The following GRIP1 variants were observed in gnomAD, a reference collection of about 807,000 sequenced individuals.
The protein encoded by GRIP1 is glutamate receptor interacting protein 1.
GRIP1 carries 45 observed loss-of-function variants against 129.9 expected under a neutral mutation model. The observed-to-expected ratio is 0.35, with a 90% CI of 0.27 to 0.44. The LOEUF is 0.44. Among genes scored for constraint, GRIP1 ranks in the 20% least tolerant of loss-of-function variants. The probability of loss-of-function intolerance (pLI) is 1.00; values close to 1 mark genes in which losing one functional copy is unlikely to be tolerated. For synonymous variants in GRIP1, 530 were observed against 520.8 expected, an observed-to-expected ratio of 1.02 and a Z score of -0.24; for missense variants, 1,196 against 1,396.8, an observed-to-expected ratio of 0.86 and a Z score of 2.29.
chr12:67,032,888 A>G (rs12322895), intron 1 of GRIP1, among the ~76,000 whole-genome samples: 4,219 of 152,246 alleles, frequency 0.028, 201 homozygotes, highest in African/African-American at 0.096. Context: ...TATTTTATTT[A>G]ACATTTCCAA....
intron 4 of GRIP1, among the ~76,000 whole-genome samples, chr12:66,535,491 C>A (rs962631681): frequency 1.3e-5 from 2 of 152,174 alleles, no homozygotes; most frequent in African/African-American, 4.8e-5. Flanking sequence ...TTAATCATTA[C>A]AAAAATCCTG....
intron 7 of GRIP1, among the ~76,000 whole-genome samples, chr12:66,506,067 A>G (rs925182307): frequency 1.3e-5 from 2 of 152,220 alleles, no homozygotes; most frequent in African/African-American, 4.8e-5. Context: ...GAGGATGTGA[A>G]GGATGTGAAA....
chr12:66,635,977 C>T (rs2031323202), intron 1 of GRIP1, among the ~76,000 whole-genome samples: 1 of 152,146 alleles, frequency 6.6e-6, no homozygotes. Context: ...GAGCATTCTT[C>T]ACAACAGCCC....
At chr12:66,864,867 G>A (rs1248911270) in intron 1 of GRIP1, among the ~76,000 whole-genome samples, 2 of 152,068 alleles carry the variant, frequency 1.3e-5, no homozygotes, top group East Asian at 3.9e-4. Context: ...GAAATACATA[G>A]TCCACTGGCT....
At chr12:66,627,716 T>C (rs2030251989) in intron 1 of GRIP1, among the ~76,000 whole-genome samples, 1 of 152,164 alleles carries the variant, frequency 6.6e-6, no homozygotes, top group Admixed American at 6.5e-5. Context: ...CTGGATCCCC[T>C]GGGTGTAGTG....
intron 1 of GRIP1, among the ~76,000 whole-genome samples, chr12:67,049,296 T>C (rs2043303590): frequency 6.6e-6 from 1 of 152,166 alleles, no homozygotes; most frequent in African/African-American, 2.4e-5. Flanking sequence ...TGAGGACAGG[T>C]CTAAGCCCAA....
chr12:66,767,303 G>A (rs1043469292), intron 1 of GRIP1, among the ~76,000 whole-genome samples: 2 of 152,170 alleles, frequency 1.3e-5, no homozygotes, highest in African/African-American at 2.4e-5. Flanking sequence ...GATGAAGAGT[G>A]AGGAGGAGGG....
At chr12:66,761,640 T>C (rs1235814870) in intron 1 of GRIP1, among the ~76,000 whole-genome samples, 1 of 152,184 alleles carries the variant, frequency 6.6e-6, no homozygotes, top group African/African-American at 2.4e-5. Context: ...CAAGGACAGG[T>C]ATTTCATATT....
intron 22 of GRIP1, among the ~76,000 whole-genome samples, chr12:66,372,756 G>GAAA (rs35922443): frequency 2.1e-5 from 3 of 146,016 alleles, no homozygotes; most frequent in Admixed American, 1.4e-4. Flanking sequence ...CTCAGAACTG[G>GAAA]AAAAAAAAAA....
chr12:66,959,136 G>A (rs2041886308), intron 1 of GRIP1, among the ~76,000 whole-genome samples: 1 of 152,026 alleles, frequency 6.6e-6, no homozygotes, highest in South Asian at 2.1e-4. Flanking sequence ...ATGTAAGAGT[G>A]CCTGTATATC....
In GRIP1 at chr12:66,534,292, A is replaced by T. The variant is rs190071218; in HGVS notation, c.419-4378T>A. ...GGTACTGCATAATGACCAAGTCACG[A>T]TAGGTTTTAACTCCTAAACATTTCT... On this transcript the variant is annotated intron_variant, in intron 4 of 24. Coordinates refer to ENST00000359742, the MANE Select transcript of GRIP1 (RefSeq NM_001366722.1). Among the ~76,000 whole-genome samples, 46 of 152,300 alleles carry T rather than the reference A, an allele frequency of 3.0e-4. No individual in the cohort carries two copies. The East Asian group carries it at 7.3e-3, about 24-fold the overall frequency.
intron 1 of GRIP1, among the ~76,000 whole-genome samples, chr12:66,848,476 C>G (rs2039857033): frequency 6.6e-6 from 1 of 152,036 alleles, no homozygotes; most frequent in Non-Finnish European, 1.5e-5. Flanking sequence ...CAATTACAAC[C>G]CAGCATGGAA....
rs554270443 is a variant in GRIP1 at position 66,650,010 on chromosome 12, C to T, written c.55+28840G>A. Among the ~76,000 whole-genome samples, 314 of 152,260 alleles carry T rather than the reference C, an allele frequency of 2.1e-3. 2 individuals are homozygous for T. The highest frequency in any genetic ancestry group is 3.2e-3 in the Non-Finnish European group (218 of 68,008). On this transcript the variant is annotated intron_variant, in intron 1 of 24. Coordinates refer to ENST00000359742, the MANE Select transcript of GRIP1 (RefSeq NM_001366722.1). ...AAAGGCTCTAGGAGAATGTGTCTAGCGAGTTATAGAGCTCATATTATTTCC... is the reference window on the plus strand; with the variant it reads ...AAAGGCTCTAGGAGAATGTGTCTAGTGAGTTATAGAGCTCATATTATTTCC...
chr12:66,477,917 T>C (rs1205965444), intron 7 of GRIP1, among the ~76,000 whole-genome samples: 1 of 152,004 alleles, frequency 6.6e-6, no homozygotes, highest in Non-Finnish European at 1.5e-5. Context: ...CCTAAAACCA[T>C]AAAAACCCTA....
chr12:66,925,818 A>G (rs1017360520), intron 1 of GRIP1, among the ~76,000 whole-genome samples: 9 of 151,936 alleles, frequency 5.9e-5, no homozygotes, highest in East Asian at 3.9e-4. Context: ...CTAATTTTCT[A>G]TTTTTAGTAG....
intron 1 of GRIP1, among the ~76,000 whole-genome samples, chr12:66,676,013 T>TG (rs1294843113): frequency 6.6e-6 from 1 of 152,204 alleles, no homozygotes; most frequent in Non-Finnish European, 1.5e-5. Context: ...TATAATACTG[T>TG]GGATCAGTGT....
intron 22 of GRIP1, among the ~76,000 whole-genome samples, chr12:66,374,223 C>T (rs904386322): frequency 5.3e-5 from 8 of 152,038 alleles, no homozygotes; most frequent in African/African-American, 1.7e-4. Context: ...GAGTTTCACT[C>T]TGTTGCCAGG....
intron 1 of GRIP1, among the ~76,000 whole-genome samples, chr12:66,700,002 T>C (rs574727908): frequency 1.3e-5 from 2 of 152,158 alleles, no homozygotes; most frequent in African/African-American, 2.4e-5. Context: ...GGGACTAGCA[T>C]CATGCAGCAA....
chr12:66,696,979 G>T (rs2136335401), intron 1 of GRIP1, among the ~76,000 whole-genome samples: 1 of 152,226 alleles, frequency 6.6e-6, no homozygotes, highest in East Asian at 1.9e-4. Flanking sequence ...TCCCAGAGGT[G>T]GTTCTGGGTT....
Sources: allele counts gnomAD v4.1 joint callset (sites outside exome capture counted in the v4.1 genomes callset), GRCh38; gene constraint gnomAD v4.1.1; transcripts MANE v1.5; gene names NCBI Gene and HGNC (gene_info 2026-07-23, HGNC 2026-07-21).